Variants in EXOC2 observed in about 807,000 individuals in gnomAD.
The protein encoded by EXOC2 is SEC5-like 1.
A neutral mutation model predicts 131.8 loss-of-function variants in EXOC2; 70 were observed. The observed-to-expected ratio is 0.53, with a 90% CI of 0.44 to 0.65. EXOC2 has a LOEUF of 0.65. Ranked by LOEUF, EXOC2 falls within the 30% of genes least tolerant of loss-of-function variation. The pLI is 0.00. For missense variants in EXOC2, 923 were observed against 1,108.6 expected, an observed-to-expected ratio of 0.83 and a Z score of 2.38; for synonymous variants, 411 against 398.4, an observed-to-expected ratio of 1.03 and a Z score of -0.38.
intron 6 of EXOC2, among the ~76,000 whole-genome samples, chr6:611,084 G>A (rs972555000): frequency 2.0e-5 from 3 of 152,120 alleles, no homozygotes; most frequent in Non-Finnish European, 4.4e-5. Flanking sequence ...AAACGGAAAG[G>A]AACTTCCTTC....
intron 1 of EXOC2, among the ~76,000 whole-genome samples, chr6:662,243 C>T (rs1285958269): frequency 6.6e-6 from 1 of 152,138 alleles, no homozygotes; most frequent in Non-Finnish European, 1.5e-5. Flanking sequence ...CTAGACTGGT[C>T]ATCAAGACAG....
chr6:554,593 T>C (rs545056332), intron 20 of EXOC2, among the ~76,000 whole-genome samples: 9 of 152,194 alleles, frequency 5.9e-5, no homozygotes, highest in African/African-American at 1.9e-4. Context: ...AACCAGTAAA[T>C]AGACAAACAT....
chr6:550,699 C>A (rs1035724170), intron 21 of EXOC2, among the ~76,000 whole-genome samples: 3 of 152,208 alleles, frequency 2.0e-5, no homozygotes, highest in Non-Finnish European at 4.4e-5. Flanking sequence ...ACGCTACATT[C>A]CCCTCCAGTC....
intron 10 of EXOC2, among the ~76,000 whole-genome samples, chr6:597,499 T>A (rs904075342): frequency 3.9e-5 from 6 of 152,154 alleles, no homozygotes; most frequent in African/African-American, 1.2e-4. Context: ...TGCAATTTTT[T>A]AAAAAGTATG....
intron 26 of EXOC2, among the ~76,000 whole-genome samples, 199 bp downstream of exon 26, chr6:490,926 T>C (rs1445838840): frequency 6.6e-6 from 1 of 152,218 alleles, no homozygotes; most frequent in African/African-American, 2.4e-5. Context: ...AGACTAAGAT[T>C]TGTCAGTAGT....
intron 1 of EXOC2, among the ~76,000 whole-genome samples, chr6:640,654 A>G (rs1434447504): frequency 6.6e-6 from 1 of 152,224 alleles, no homozygotes; most frequent in Non-Finnish European, 1.5e-5. Context: ...ACAGAGACAC[A>G]CACAGAGGGA....
chr6:570,168 C>T (rs1268110624), intron 13 of EXOC2, among the ~76,000 whole-genome samples: 4 of 148,918 alleles, frequency 2.7e-5, no homozygotes, highest in African/African-American at 1.0e-4. Flanking sequence ...GAGTCTCGCG[C>T]TGTCGCCCAG....
chr6:523,675 T>G (rs1765600213), intron 23 of EXOC2, among the ~76,000 whole-genome samples: 1 of 152,256 alleles, frequency 6.6e-6, no homozygotes, highest in Non-Finnish European at 1.5e-5. Context: ...GTATAATCAG[T>G]TCTTTTAAAA....
chr6:610,927 C>G (rs1294857859), intron 6 of EXOC2, among the ~76,000 whole-genome samples: 1 of 152,136 alleles, frequency 6.6e-6, no homozygotes, highest in Non-Finnish European at 1.5e-5. Context: ...GGGGAAGAAC[C>G]CAGCTACTGC....
chr6:610,693 G>A (rs1032751394), intron 6 of EXOC2, among the ~76,000 whole-genome samples: 2 of 152,174 alleles, frequency 1.3e-5, no homozygotes, highest in African/African-American at 4.8e-5. Flanking sequence ...TCAGATAATT[G>A]GTCAGAAAAT....
intron 21 of EXOC2, among the ~76,000 whole-genome samples, chr6:552,398 G>A (rs1485539505): frequency 2.0e-5 from 3 of 152,184 alleles, no homozygotes; most frequent in African/African-American, 2.4e-5. Flanking sequence ...GGGATGGCCC[G>A]CCACCACTCT....
intron 7 of EXOC2, among the ~76,000 whole-genome samples, chr6:605,956 T>C (rs1345278195): frequency 1.3e-5 from 2 of 152,240 alleles, no homozygotes; most frequent in Non-Finnish European, 2.9e-5. Flanking sequence ...CATTTTGTTA[T>C]GTATCCAGTA....
At chr6:672,787 C>T (rs774561735) in intron 1 of EXOC2, among the ~76,000 whole-genome samples, 17 of 152,124 alleles carry the variant, frequency 1.1e-4, no homozygotes, top group African/African-American at 3.4e-4. Context: ...TGTGAGGATT[C>T]GAGTGGTGAC....
At chr6:533,097 A>T (rs1355227452) in intron 22 of EXOC2, among the ~76,000 whole-genome samples, 1 of 152,182 alleles carries the variant, frequency 6.6e-6, no homozygotes, top group African/African-American at 2.4e-5. Context: ...TGAGAAGAGC[A>T]TGGGGGAAAC....
chr6:583,054 A>G (rs1349526004), intron 11 of EXOC2, among the ~76,000 whole-genome samples: 1 of 152,214 alleles, frequency 6.6e-6, no homozygotes, highest in Non-Finnish European at 1.5e-5. Flanking sequence ...TGTAATAAGT[A>G]AGCTGGAGAA....
intron 25 of EXOC2, among the ~76,000 whole-genome samples, chr6:494,438 C>T (rs1763602854): frequency 1.3e-5 from 1 of 75,936 alleles, no homozygotes; most frequent in African/African-American, 3.0e-5. Flanking sequence ...ACTATTTGCA[C>T]CCGTTTTTTT....
Position 629,953 on chromosome 6 carries a change from C to G in EXOC2, c.304G>C (p.Asp102His), listed in dbSNP as rs1761761303. Residue 102 changes from aspartate (D) to histidine (H), a missense_variant, in exon 4 of 28, where the codon GAT (aspartate) becomes CAT (histidine). Physicochemically the swap from Asp to His is moderately conservative, Grantham distance 81 (BLOSUM62 -1). Transcript: ENST00000230449. ...LLKPEKIGILDQSAVWVDEMN... is the reference protein window; with the variant it reads ...LLKPEKIGILHQSAVWVDEMN... ...TCATCAACCCACACAGCAGACTGAT[C>G]CAAAATGCCTACAGAAATGAGGAGC... 3.7e-6 allele frequency: 6 copies of G among 1,613,624 alleles called. No individual in the cohort carries two copies. Among genetic ancestry groups the G allele is most frequent in the Non-Finnish European group, 5.1e-6 (6 of 1,179,784 alleles).
At chr6:503,639 G>C (rs1764355523) in intron 23 of EXOC2, among the ~76,000 whole-genome samples, 2 of 152,140 alleles carry the variant, frequency 1.3e-5, no homozygotes, top group South Asian at 4.1e-4. Context: ...TATATGTTTG[G>C]TTGCTATATT....
intron 1 of EXOC2, among the ~76,000 whole-genome samples, chr6:675,655 A>C (rs59388348): frequency 1.6e-5 from 1 of 64,268 alleles, no homozygotes; most frequent in Non-Finnish European, 3.2e-5. Context: ...TGGCGACTGC[A>C]GTTCCCCATA....
Sources: gnomAD v4.1 joint callset for allele counts (sites outside exome capture counted in the v4.1 genomes callset) on GRCh38, gnomAD v4.1.1 for gene constraint, MANE v1.5 for transcripts, NCBI Gene and HGNC (gene_info 2026-07-23, HGNC 2026-07-21) for gene names.